The following SETX variants were observed in gnomAD, a reference collection of about 807,000 sequenced individuals.
SETX encodes senataxin.
SETX carries 90 observed loss-of-function variants against 227.2 expected under a neutral mutation model. The ratio of observed to expected loss-of-function variants is 0.40; its 90% CI spans 0.33 to 0.47. The LOEUF is 0.47. Among genes scored for constraint, SETX ranks in the 20% least tolerant of loss-of-function variants. The pLI is 0.91. For missense variants in SETX, 3,052 were observed against 3,181.5 expected (o/e 0.96, Z 0.98); for synonymous variants, 1,210 against 1,113.2 (o/e 1.09, Z -1.73).
At position 132,271,819 on chromosome 9, in the gene SETX, A is replaced by G. The variant is rs1333045446; in HGVS notation, c.7101-11T>C. 6.2e-7 allele frequency: 1 copy of G among 1,600,962 alleles called. No individual in the cohort carries two copies. On this transcript the variant is annotated splice_polypyrimidine_tract_variant and intron_variant, in intron 23 of 25. Coordinates refer to ENST00000224140, the MANE Select transcript of SETX (RefSeq NM_015046.7). ...TCTACTTCTGCTGGTCTATTTACAA[A>G]AGAGAAACATATTTACTGGAAAAAG... is the stretch of plus-strand genomic sequence containing the variant.
chr9:132,291,582 C>T (rs1323845663), intron 15 of SETX, among the ~76,000 whole-genome samples: 1 of 152,168 alleles, frequency 6.6e-6, no homozygotes, highest in East Asian at 1.9e-4. Context: ...ATCCTTTACA[C>T]TGCTGGGTAA....
chr9:132,355,614 A>T (rs1282789092), upstream of SETX, among the ~76,000 whole-genome samples: 1 of 151,970 alleles, frequency 6.6e-6, no homozygotes, highest in Non-Finnish European at 1.5e-5. Flanking sequence ...CCCAGGCGGG[A>T]GGCTCGCTTG....
chr9:132,335,355 C>T (rs573238), intron 6 of SETX, among the ~76,000 whole-genome samples: 103,594 of 136,282 alleles, frequency 0.76, 40,402 homozygotes, highest in Non-Finnish European at 0.85. Context: ...CGCGCGACTG[C>T]ACTCCAGCCT....
At chr9:132,284,266 T>G (rs1158999101) in intron 18 of SETX, among the ~76,000 whole-genome samples, 1 of 152,252 alleles carries the variant, frequency 6.6e-6, no homozygotes, top group Non-Finnish European at 1.5e-5. Context: ...AAAAAACATC[T>G]GTGAAGATGG....
chr9:132,351,136 A>T (rs1259091805), intron 2 of SETX, among the ~76,000 whole-genome samples: 1 of 152,202 alleles, frequency 6.6e-6, no homozygotes, highest in Non-Finnish European at 1.5e-5. Flanking sequence ...TAGTAAGTTA[A>T]CAGCTTGCAG....
intron 18 of SETX, among the ~76,000 whole-genome samples, chr9:132,284,359 T>A (rs886271722): frequency 1.3e-5 from 2 of 152,246 alleles, no homozygotes; most frequent in Non-Finnish European, 2.9e-5. Flanking sequence ...AGCTTTCACA[T>A]AACTTTTAGT....
intron 5 of SETX, among the ~76,000 whole-genome samples, chr9:132,337,950 C>CA (rs1481353376): frequency 1.3e-5 from 2 of 152,110 alleles, no homozygotes; most frequent in Non-Finnish European, 2.9e-5. Flanking sequence ...CCATGAGTTG[C>CA]AAAGGATATG....
chr9:132,355,826 A>C (rs1848880959), upstream of SETX, among the ~76,000 whole-genome samples: 1 of 152,060 alleles, frequency 6.6e-6, no homozygotes, highest in African/African-American at 2.4e-5. Flanking sequence ...GTCTCTACTA[A>C]AAATAAAAAG....
chr9:132,306,528 A>C (rs1845344663), intron 11 of SETX, among the ~76,000 whole-genome samples: 1 of 152,098 alleles, frequency 6.6e-6, no homozygotes, highest in South Asian at 2.1e-4. Flanking sequence ...ACTATTTCTA[A>C]AAGTACTTAT....
At chr9:132,288,428 A>T in intron 16 of SETX, 77 bp from the exon 17 acceptor site, 1 of 1,416,828 alleles carries the variant, frequency 7.1e-7, no homozygotes, top group Non-Finnish European at 9.8e-7. Flanking sequence ...ACACAATGAG[A>T]AGGAAAATTA....
At chr9:132,305,846 A>T (rs1845304105) in intron 11 of SETX, among the ~76,000 whole-genome samples, 1 of 152,200 alleles carries the variant, frequency 6.6e-6, no homozygotes, top group African/African-American at 2.4e-5. Flanking sequence ...CATTTGTGGG[A>T]CAAGTGGTAT....
chr9:132,343,044 G>A (rs1848078375), intron 4 of SETX, among the ~76,000 whole-genome samples: 1 of 151,770 alleles, frequency 6.6e-6, no homozygotes, highest in African/African-American at 2.4e-5. Flanking sequence ...TTTTTGCCGG[G>A]CGCGGTGGCT....
intron 18 of SETX, among the ~76,000 whole-genome samples, chr9:132,284,845 T>G (rs1843748048): frequency 6.6e-6 from 1 of 152,124 alleles, no homozygotes; most frequent in Non-Finnish European, 1.5e-5. Flanking sequence ...ACTTTTTTTT[T>G]TTAATAGTGA....
At chr9:132,342,991 G>C (rs1284536145) in intron 4 of SETX, among the ~76,000 whole-genome samples, 192 bp from the exon 5 acceptor site, 1 of 152,034 alleles carries the variant, frequency 6.6e-6, no homozygotes, top group East Asian at 1.9e-4. Flanking sequence ...TTGATCACAG[G>C]GTGTTCTTAG....
chr9:132,266,777 A>C (rs931869048), intron 25 of SETX, among the ~76,000 whole-genome samples: 1 of 152,170 alleles, frequency 6.6e-6, no homozygotes, highest in Admixed American at 6.5e-5. Flanking sequence ...GTCTCAAAAA[A>C]AAACCCCCAA....
chr9:132,297,955 T>C, intron 13 of SETX, 125 bp downstream of exon 13: 1 of 814,164 alleles, frequency 1.2e-6, no homozygotes, highest in Non-Finnish European at 2.0e-6. Flanking sequence ...TAAAGAAAAC[T>C]AACACTAAAC....
chr9:132,325,527 T>A (rs1337525037), intron 10 of SETX, among the ~76,000 whole-genome samples: 1 of 152,148 alleles, frequency 6.6e-6, no homozygotes, highest in Non-Finnish European at 1.5e-5. Context: ...GGAAACTATC[T>A]CCTCTGAGAA....
At position 132,277,100 on chromosome 9, in the gene SETX, C is replaced by T; in HGVS notation, c.6895G>A (p.Val2299Met). The change falls in exon 22 of 26, where the codon GTG becomes ATG. Residue 2299 changes from valine (V) to methionine (M), a missense_variant. Coordinates refer to ENST00000224140, the MANE Select transcript of SETX (RefSeq NM_015046.7). The part of the protein sequence containing the change: ...SSDWPFQPYL[V>M]FDVGDGSERR... ...TCTGAACCATCTCCAACATCAAACA[C>T]AAGGTATGGCTGAAATGGCCAATCT... 6.2e-7 allele frequency: 1 copy of T among 1,613,590 alleles called. No homozygotes were observed. Among genetic ancestry groups the T allele is most frequent in the Non-Finnish European group, 8.5e-7 (1 of 1,179,960 alleles).
rs1230181965 is a variant in SETX at position 132,333,424 on chromosome 9, C to T, written c.838+1184G>A. Among the ~76,000 whole-genome samples the T allele has an allele frequency of 7.3e-3, 821 of 112,466 alleles. 13 individuals are homozygous for T. Among genetic ancestry groups the T allele is most frequent in the African/African-American group, 0.017 (485 of 28,552 alleles). 73.8% of individuals were successfully genotyped at this position (112,466 alleles called of 152,430 possible). ...AAAAAAAAAAATATATATACACACA[C>T]ACACACACACACACACACACACACA... On this transcript the variant is annotated intron_variant, in intron 7 of 25. Coordinates refer to ENST00000224140, the MANE Select transcript of SETX (RefSeq NM_015046.7).
Sources: allele counts gnomAD v4.1 joint callset (sites outside exome capture counted in the v4.1 genomes callset), GRCh38; gene constraint gnomAD v4.1.1; transcripts MANE v1.5; gene names NCBI Gene and HGNC (gene_info 2026-07-23, HGNC 2026-07-21).